The following NFYB variants were observed in gnomAD, a reference collection of about 807,000 sequenced individuals.
NFYB encodes CAAT box DNA-binding protein subunit B.
In NFYB, 13 loss-of-function variants were observed where a neutral mutation model predicts 28.0. That is an observed-to-expected ratio of 0.46 (90% confidence interval 0.30 to 0.74). NFYB has a LOEUF of 0.74. Among genes scored for constraint, NFYB ranks in the 30% least tolerant of loss-of-function variants. The pLI, the probability that NFYB is intolerant of heterozygous loss-of-function variation, is 0.07. For missense variants in NFYB, 142 were observed against 247.6 expected (o/e 0.57, Z 2.86); for synonymous variants, 74 against 75.0 (o/e 0.99, Z 0.07).
chr12:104,120,162 T>G (rs188590807), intron 7 of NFYB, among the ~76,000 whole-genome samples: 1 of 152,046 alleles, frequency 6.6e-6, no homozygotes, highest in Admixed American at 6.6e-5. Flanking sequence ...TTCAAGTGAT[T>G]CTCCTGCCTC....
At chr12:104,122,243 A>G (rs1422045585) in intron 5 of NFYB, among the ~76,000 whole-genome samples, 5 of 152,320 alleles carry the variant, frequency 3.3e-5, no homozygotes, top group African/African-American at 1.2e-4. Flanking sequence ...GTAATTAAAT[A>G]ATCTGTCCAA....
chr12:104,125,092 CAATTT>C (rs1277041370), intron 4 of NFYB: 1 of 152,082 alleles, frequency 6.6e-6, no homozygotes, highest in Non-Finnish European at 1.5e-5. Context: ...AAAAAAATAT[CAATTT>C]AAATGTATCT....
chr12:104,122,088 C>G (rs2030496653), intron 5 of NFYB, among the ~76,000 whole-genome samples: 1 of 152,184 alleles, frequency 6.6e-6, no homozygotes, highest in South Asian at 2.1e-4. Flanking sequence ...TCCAACCTTA[C>G]TACTTTTAAT....
chr12:104,127,352 A>G (rs2136659435), intron 3 of NFYB, among the ~76,000 whole-genome samples: 1 of 152,150 alleles, frequency 6.6e-6, no homozygotes, highest in South Asian at 2.1e-4. Flanking sequence ...CAGGCAGATC[A>G]TCTGAGGTCA....
rs937471702 is a variant in NFYB at position 104,118,811 on chromosome 12, T to C, written c.*926A>G. On this transcript the variant is annotated 3_prime_UTR_variant, in exon 8 of 8. Coordinates refer to ENST00000240055, the MANE Select transcript of NFYB (RefSeq NM_006166.4). ...GATGTCTGATGTTTCTTGGTTTCCATAGTGTAACAGGAAACTTGACATTTC... is the reference window on the plus strand; with the variant it reads ...GATGTCTGATGTTTCTTGGTTTCCACAGTGTAACAGGAAACTTGACATTTC... 4 of 152,096 alleles carry C rather than the reference T, an allele frequency of 2.6e-5. No homozygotes were observed. Among genetic ancestry groups the C allele is most frequent in the African/African-American group, 9.7e-5 (4 of 41,400 alleles). 9.4% of individuals were successfully genotyped at this position (152,096 alleles called of 1,614,324 possible).
chr12:104,120,381 A>G lies in NFYB; in HGVS notation c.591+19T>C, dbSNP rs2030423780. ...ATACAATCAAATTTTTTAAGCATTT[A>G]AAATACAAAGGACTGTACCTGTTGA... On this transcript the variant is annotated intron_variant, in intron 7 of 7. Transcript: ENST00000240055. The G allele has an allele frequency of 6.3e-7, 1 of 1,599,840 alleles. No homozygotes were observed. The highest frequency in any genetic ancestry group is 2.2e-5 in the East Asian group (1 of 44,664).
intron 4 of NFYB, among the ~76,000 whole-genome samples, chr12:104,125,849 CAAAAAAAAAAA>C (rs374433754): frequency 3.6e-4 from 26 of 72,208 alleles, no homozygotes; most frequent in African/African-American, 1.4e-3. Flanking sequence ...ACTCTGTCCC[CAAAAAAAAAAA>C]AAAAAAAAAA....
chr12:104,135,359 G>C (rs1179623903), intron 2 of NFYB, 89 bp downstream of exon 2: 1 of 1,121,782 alleles, frequency 8.9e-7, no homozygotes, highest in Non-Finnish European at 1.3e-6. Flanking sequence ...ATTCTACCAG[G>C]CACCTCCAGT....
intron 4 of NFYB, among the ~76,000 whole-genome samples, chr12:104,125,620 G>A (rs568617314): frequency 9.9e-5 from 15 of 152,150 alleles, no homozygotes; most frequent in South Asian, 4.1e-4. Context: ...AGGCCAAGGC[G>A]GATGGATCAC....
rs369432559 is a variant in NFYB, at chr12:104,126,219, A to G, written c.126T>C (p.His42=). The G allele has an allele frequency of 1.9e-6, 3 of 1,602,130 alleles. No individual in the cohort carries two copies. The highest frequency in any genetic ancestry group is 2.7e-5 in the African/African-American group (2 of 74,402). ...TTTCTTTTGAACCATTTGTGTCTTC[A>G]TGATCATTCATGCTGTCCTCAGTAT... ...HDDTEDSMND[H]EDTNGSKESF... Residue 42 remains histidine, a synonymous_variant, in exon 4 of 8, where the codon CAT becomes CAC. Coordinates refer to ENST00000240055, the MANE Select transcript of NFYB (RefSeq NM_006166.4).
chr12:104,132,687 G>A (rs893493543), intron 2 of NFYB, among the ~76,000 whole-genome samples: 1 of 152,204 alleles, frequency 6.6e-6, no homozygotes, highest in Non-Finnish European at 1.5e-5. Flanking sequence ...ACAGACAGCT[G>A]TCACCGCAGA....
chr12:104,132,097 C>T (rs1360817817), intron 2 of NFYB, among the ~76,000 whole-genome samples: 2 of 152,158 alleles, frequency 1.3e-5, no homozygotes, highest in African/African-American at 2.4e-5. Context: ...TAAGTAATTG[C>T]TAGTGCCAAG....
chr12:104,130,275 T>C (rs1339020118), intron 2 of NFYB, among the ~76,000 whole-genome samples: 1 of 152,224 alleles, frequency 6.6e-6, no homozygotes, highest in Admixed American at 6.5e-5. Context: ...TGTTATTAAT[T>C]GCAAAATTTT....
In NFYB at chr12:104,118,917, A is replaced by G. The variant is rs541902622; in HGVS notation, c.*820T>C. 4.6e-5 allele frequency: 7 copies of G among 152,308 alleles called. No homozygotes were observed. The highest frequency in any genetic ancestry group is 1.7e-4 in the African/African-American group (7 of 41,552). 9.4% of individuals were successfully genotyped at this position (152,308 alleles called of 1,614,324 possible). On this transcript the variant is annotated 3_prime_UTR_variant, in exon 8 of 8. Coordinates refer to ENST00000240055, the MANE Select transcript of NFYB (RefSeq NM_006166.4). ...TAAGAGAATACTATAGTACTTGAAG[A>G]TATGATTTGAAAAAAAATCATGTAC... is the stretch of plus-strand genomic sequence containing the variant.
At chr12:104,126,282 T>G in intron 3 of NFYB, 38 bp from the exon 4 acceptor site, 1 of 1,427,160 alleles carries the variant, frequency 7.0e-7, no homozygotes, top group Admixed American at 2.8e-5. Flanking sequence ...AAGCTTCTTA[T>G]TATTTCTATT....
At chr12:104,124,816 A>G (rs1227201077) in intron 4 of NFYB, among the ~76,000 whole-genome samples, 1 of 152,218 alleles carries the variant, frequency 6.6e-6, no homozygotes, top group Non-Finnish European at 1.5e-5. Context: ...TACATAGCCT[A>G]TGTAAGCAAT....
chr12:104,124,649 T>G (rs2030613688), intron 4 of NFYB, among the ~76,000 whole-genome samples: 1 of 152,226 alleles, frequency 6.6e-6, no homozygotes, highest in Admixed American at 6.5e-5. Flanking sequence ...ATAGAATCAA[T>G]TTTTAAATGA....
chr12:104,137,332 T>A (rs1189684690), intron 1 of NFYB: 1 of 152,242 alleles, frequency 6.6e-6, no homozygotes, highest in African/African-American at 2.4e-5. Flanking sequence ...CTCCCACCAC[T>A]AATGATTAAA....
In NFYB at chr12:104,117,810, C is replaced by T. The variant is rs1380768706; in HGVS notation, c.*1927G>A. 1 of 152,164 alleles carries T rather than the reference C, an allele frequency of 6.6e-6. No individual in the cohort carries two copies. The highest frequency in any genetic ancestry group is 1.5e-5 in the Non-Finnish European group (1 of 68,038). The allele number at this position is 152,164 out of a possible 1,614,324, so 9.4% of individuals were successfully genotyped here. ...ATAATCAAAGACCAAGTGCTTTTAT[C>T]AGTTATATAGTGACACACTGCTTGG... On this transcript the variant is annotated 3_prime_UTR_variant, in exon 8 of 8. Coordinates refer to ENST00000240055, the MANE Select transcript of NFYB (RefSeq NM_006166.4).
Sources: gnomAD v4.1 joint callset for allele counts (sites outside exome capture counted in the v4.1 genomes callset) on GRCh38, gnomAD v4.1.1 for gene constraint, MANE v1.5 for transcripts, NCBI Gene and HGNC (gene_info 2026-07-23, HGNC 2026-07-21) for gene names.